The following FMNL2 variants were observed in gnomAD, a reference collection of about 807,000 sequenced individuals.
FMNL2 encodes the protein formin like 2, also known as formin-like protein 2.
Under a neutral mutation model 130.2 loss-of-function variants are expected in FMNL2, and 51 were observed. That is an observed-to-expected ratio of 0.39 (90% CI 0.31 to 0.49). FMNL2 has a LOEUF of 0.49. Ranked by LOEUF, FMNL2 falls within the 20% of genes least tolerant of loss-of-function variation. The pLI is 0.85. For synonymous variants in FMNL2, 465 were observed against 467.1 expected (o/e 1.00, Z 0.06); for missense variants, 977 against 1,316.2 (o/e 0.74, Z 3.99).
At chr2:152,547,969 G>GTA (rs1694738077) in intron 3 of FMNL2, among the ~76,000 whole-genome samples, 1 of 152,320 alleles carries the variant, frequency 6.6e-6, no homozygotes, top group African/African-American at 2.4e-5. Context: ...GATGTGCAAT[G>GTA]TAGCCCATTG....
intron 1 of FMNL2, among the ~76,000 whole-genome samples, chr2:152,339,374 G>A (rs1229124062): frequency 6.6e-6 from 1 of 152,176 alleles, no homozygotes; most frequent in Non-Finnish European, 1.5e-5. Context: ...TAAGAAGGTG[G>A]TTCTGGGTGG....
intron 1 of FMNL2, among the ~76,000 whole-genome samples, chr2:152,482,543 G>A (rs1281558364): frequency 6.6e-6 from 1 of 152,190 alleles, no homozygotes; most frequent in Non-Finnish European, 1.5e-5. Context: ...TGGGTTTTGC[G>A]TGTGAGGCAG....
chr2:152,561,700 A>G (rs1695540878), intron 6 of FMNL2, among the ~76,000 whole-genome samples: 3 of 151,798 alleles, frequency 2.0e-5, no homozygotes, highest in South Asian at 4.2e-4. Context: ...CAGCCTCCCA[A>G]CTGGCTGGGA....
At chr2:152,589,193 G>A (rs1040531093) in intron 9 of FMNL2, among the ~76,000 whole-genome samples, 13 of 151,780 alleles carry the variant, frequency 8.6e-5, no homozygotes, top group African/African-American at 3.1e-4. Context: ...CAAATGTAGA[G>A]ATGCTTTGCT....
chr2:152,530,779 C>G (rs6756465), intron 2 of FMNL2, among the ~76,000 whole-genome samples: 1 of 152,256 alleles, frequency 6.6e-6, no homozygotes, highest in South Asian at 2.1e-4. Flanking sequence ...TTTCTAAAGT[C>G]ATTGAGGAAA....
At chr2:152,645,424 T>C in intron 25 of FMNL2, 25 of 1,281,494 alleles carry the variant, frequency 2.0e-5, no homozygotes, top group Non-Finnish European at 2.5e-5. Flanking sequence ...TTTTGTTTTT[T>C]TCTGTTTAGC....
At chr2:152,501,050 T>C (rs1691801230) in intron 1 of FMNL2, among the ~76,000 whole-genome samples, 1 of 152,244 alleles carries the variant, frequency 6.6e-6, no homozygotes, top group Admixed American at 6.5e-5. Context: ...CATGAGAAGA[T>C]GAAAATTTTG....
At chr2:152,545,030 G>A (rs559047390) in intron 3 of FMNL2, among the ~76,000 whole-genome samples, 2 of 152,278 alleles carry the variant, frequency 1.3e-5, no homozygotes, top group East Asian at 3.9e-4. Context: ...CACCTGAATG[G>A]CCATGTTTGG....
intron 2 of FMNL2, among the ~76,000 whole-genome samples, chr2:152,532,612 T>A (rs1448786388): frequency 5.6e-4 from 1 of 1,782 alleles, no homozygotes; most frequent in Admixed American, 0.033. Context: ...TTTTTTCTTA[T>A]TTTTTTTTTT....
chr2:152,396,613 A>C (rs1685408022), intron 1 of FMNL2, among the ~76,000 whole-genome samples: 2 of 152,208 alleles, frequency 1.3e-5, no homozygotes, highest in Admixed American at 1.3e-4. Flanking sequence ...GACATCTTTC[A>C]CATTTCAGAC....
chr2:152,428,217 G>A (rs1687294788), intron 1 of FMNL2, among the ~76,000 whole-genome samples: 1 of 152,156 alleles, frequency 6.6e-6, no homozygotes, highest in Admixed American at 6.5e-5. Context: ...AGTGACTTCT[G>A]TGTGCAAGGC....
At chr2:152,501,109 T>C (rs965711329) in intron 1 of FMNL2, among the ~76,000 whole-genome samples, 1 of 152,258 alleles carries the variant, frequency 6.6e-6, no homozygotes, top group African/African-American at 2.4e-5. Context: ...TTAAAAGTTT[T>C]ACAGGCAGTA....
In FMNL2 at chr2:152,409,249, C is replaced by T. The variant is rs533844907; in HGVS notation, c.117+73529C>T. On this transcript the variant is annotated intron_variant, in intron 1 of 25. Transcript: ENST00000288670. ...ACATTCAAGGCTTAAAAAAAATTCT[C>T]AATTGCTGTGAGGGATTAGAAAAAT... is the stretch of plus-strand genomic sequence containing the variant. Among the ~76,000 whole-genome samples, 271 of 152,258 alleles carry T rather than the reference C, an allele frequency of 1.8e-3. 6 individuals are homozygous for T. The highest frequency in any genetic ancestry group is 3.4e-3 in the Middle Eastern group (1 of 294).
chr2:152,389,918 G>A lies in FMNL2; in HGVS notation c.117+54198G>A, dbSNP rs1685007331. The A allele has an allele frequency of 6.7e-6, 7 of 1,045,046 alleles. No homozygotes were observed. In the South Asian group the frequency reaches 8.0e-5, roughly 12 times the overall value. The allele number at this position is 1,045,046 out of a possible 1,614,324, so 64.7% of individuals were successfully genotyped here. A position where few individuals can be genotyped will look rare whatever the true frequency, so the allele number is the denominator to read the frequency against. The stretch of plus-strand genomic sequence containing the variant: ...AAGAGAACCCGGGAGAAGGTGGAGC[G>A]GGTGGCCGGGCTGGCCAAGGAAGCC... On this transcript the variant is annotated intron_variant, in intron 1 of 25. Transcript: ENST00000288670.
chr2:152,389,826 G>A, intron 1 of FMNL2: 1 of 1,241,084 alleles, frequency 8.1e-7, no homozygotes, highest in African/African-American at 1.5e-5. Flanking sequence ...AAGAGGGGAT[G>A]GCAAAGAAGC....
chr2:152,445,416 T>C (rs558913631), intron 1 of FMNL2, among the ~76,000 whole-genome samples: 1 of 152,354 alleles, frequency 6.6e-6, no homozygotes, highest in African/African-American at 2.4e-5. Flanking sequence ...TAGACCACTA[T>C]TGTCCAATGG....
chr2:152,367,607 T>C (rs993633084), intron 1 of FMNL2, among the ~76,000 whole-genome samples: 2 of 152,258 alleles, frequency 1.3e-5, no homozygotes, highest in Middle Eastern at 3.4e-3. Context: ...ATTGTGAAAA[T>C]AGTCAGTCTT....
chr2:152,392,865 G>A (rs1685192553), intron 1 of FMNL2, among the ~76,000 whole-genome samples: 1 of 152,108 alleles, frequency 6.6e-6, no homozygotes. Context: ...TGGCCAAGGG[G>A]GAACTTAAGG....
chr2:152,455,677 A>G (rs1211046110), intron 1 of FMNL2, among the ~76,000 whole-genome samples: 1 of 152,146 alleles, frequency 6.6e-6, no homozygotes, highest in Non-Finnish European at 1.5e-5. Context: ...CATTACCATA[A>G]TTGTAGTGAT....
Sources: gnomAD v4.1 joint callset for allele counts (sites outside exome capture counted in the v4.1 genomes callset) on GRCh38, gnomAD v4.1.1 for gene constraint, MANE v1.5 for transcripts, NCBI Gene and HGNC (gene_info 2026-07-23, HGNC 2026-07-21) for gene names.